The following RAPGEF6 variants were observed in gnomAD, a reference collection of about 807,000 sequenced individuals.
RAPGEF6 encodes the protein Rap guanine nucleotide exchange factor 6.
RAPGEF6 carries 56 observed loss-of-function variants against 171.4 expected under a neutral mutation model. The ratio of observed to expected loss-of-function variants is 0.33; its 90% CI spans 0.26 to 0.41. RAPGEF6 has a LOEUF of 0.41. RAPGEF6 is among the 10% of genes least tolerant of loss of function. The probability of loss-of-function intolerance (pLI) is 1.00; values close to 1 mark genes in which losing one functional copy is unlikely to be tolerated. For missense variants in RAPGEF6, 1,674 were observed against 1,921.4 expected (o/e 0.87, Z 2.41); for synonymous variants, 692 against 650.1 (o/e 1.06, Z -0.98).
chr5:131,528,338 T>C (rs866186534), intron 6 of RAPGEF6, among the ~76,000 whole-genome samples: 626 of 26,294 alleles, frequency 0.024, 29 homozygotes, highest in East Asian at 0.099. Context: ...TATATATATA[T>C]ACACACACAC....
chr5:131,604,306 C>T (rs1158350708), intron 2 of RAPGEF6, among the ~76,000 whole-genome samples: 1 of 152,136 alleles, frequency 6.6e-6, no homozygotes, highest in Non-Finnish European at 1.5e-5. Context: ...CCTTGAAATA[C>T]TTCAACAAAG....
chr5:131,455,547 C>CGG, intron 20 of RAPGEF6, among the ~76,000 whole-genome samples: 1 of 152,150 alleles, frequency 6.6e-6, no homozygotes, highest in Non-Finnish European at 1.5e-5. Flanking sequence ...CGTGAGCCAC[C>CGG]GCGTCCAGCT....
At chr5:131,437,298 A>G (rs1580821592) in intron 24 of RAPGEF6, among the ~76,000 whole-genome samples, 2 of 152,340 alleles carry the variant, frequency 1.3e-5, no homozygotes, top group Admixed American at 6.5e-5. Context: ...ATACTTCTCT[A>G]TTCGAGTGTT....
chr5:131,489,327 G>A (rs951413887), intron 15 of RAPGEF6, among the ~76,000 whole-genome samples: 1 of 152,144 alleles, frequency 6.6e-6, no homozygotes, highest in Non-Finnish European at 1.5e-5. Context: ...GAAGGTAGCT[G>A]TACACCTATT....
intron 4 of RAPGEF6, among the ~76,000 whole-genome samples, chr5:131,588,405 T>C (rs1361856180): frequency 6.6e-6 from 1 of 152,154 alleles, no homozygotes. Context: ...TCTCTTATGC[T>C]CCTGTTAGTA....
intron 15 of RAPGEF6, among the ~76,000 whole-genome samples, chr5:131,487,583 T>C (rs766244626): frequency 6.6e-6 from 1 of 152,334 alleles, no homozygotes; most frequent in Non-Finnish European, 1.5e-5. Context: ...AGAGTGCTGA[T>C]TGGTGCATTT....
At chr5:131,449,201 G>C (rs1014001850) in intron 21 of RAPGEF6, among the ~76,000 whole-genome samples, 3 of 152,144 alleles carry the variant, frequency 2.0e-5, no homozygotes, top group African/African-American at 7.2e-5. Context: ...TGATATATAA[G>C]ATCTTTAACA....
Position 131,561,951 on chromosome 5 carries a change from CA to C in RAPGEF6, c.351+26del, listed in dbSNP as rs777352341. The C allele has an allele frequency of 4.6e-6, 7 of 1,532,222 alleles. No individual in the cohort carries two copies. In the Admixed American group the frequency reaches 7.1e-5, roughly 15 times the overall value. The allele number at this position is 1,532,222 out of a possible 1,614,324, so 94.9% of individuals were successfully genotyped here. On this transcript the variant is annotated intron_variant, in intron 5 of 27. Coordinates refer to ENST00000509018, the MANE Select transcript of RAPGEF6 (RefSeq NM_016340.6). Reference sequence around the variant, plus strand: ...AGTTAAAACTGAAGCATATCAAAAACAATTCAGCATTCTTTAAAGTTCTTAC... The same window carrying C: ...AGTTAAAACTGAAGCATATCAAAAACATTCAGCATTCTTTAAAGTTCTTAC...
Position 131,527,811 on chromosome 5 carries a change from C to T in RAPGEF6, c.496-6290G>A, listed in dbSNP as rs760863000. Among the ~76,000 whole-genome samples the T allele has an allele frequency of 4.6e-5, 7 of 151,676 alleles. No individual in the cohort carries two copies. In the South Asian group the frequency reaches 6.2e-4, roughly 14 times the overall value. ...CGGGCGGATCACAAGGTCAGGAGAT[C>T]GAGACCATCCTGGCTAACACGGTGA... On this transcript the variant is annotated intron_variant, in intron 6 of 27. Coordinates refer to ENST00000509018, the MANE Select transcript of RAPGEF6 (RefSeq NM_016340.6).
At chr5:131,587,114 A>G (rs1021311734) in intron 4 of RAPGEF6, among the ~76,000 whole-genome samples, 9 of 152,120 alleles carry the variant, frequency 5.9e-5, no homozygotes, top group East Asian at 1.9e-4. Context: ...TTTTTGCCCA[A>G]TAGATTCCAT....
At chr5:131,529,434 C>T (rs1759212425) in intron 6 of RAPGEF6, among the ~76,000 whole-genome samples, 1 of 151,334 alleles carries the variant, frequency 6.6e-6, no homozygotes, top group Non-Finnish European at 1.5e-5. Context: ...GGAGATTGCA[C>T]CACTGCACTC....
Position 131,521,526 on chromosome 5 carries a change from A to T in RAPGEF6, c.496-5T>A, listed in dbSNP as rs1758478148. The T allele has an allele frequency of 1.3e-6, 2 of 1,582,472 alleles. No homozygotes were observed. The highest frequency in any genetic ancestry group is 4.5e-5 in the East Asian group (2 of 44,372). The stretch of plus-strand genomic sequence containing the variant: ...CTTGGTAAGATCAGCTGGAAGCTGA[A>T]AAAAAAAATAATTTAAGTTATTCTA... On this transcript the variant is annotated splice_polypyrimidine_tract_variant and splice_region_variant and intron_variant, in intron 6 of 27. Transcript: ENST00000509018.
chr5:131,613,941 G>A (rs1185617577), intron 1 of RAPGEF6, among the ~76,000 whole-genome samples: 1 of 152,018 alleles, frequency 6.6e-6, no homozygotes, highest in Non-Finnish European at 1.5e-5. Context: ...CGCTTGGGCA[G>A]CCAGTGGCTG....
chr5:131,618,225 A>G (rs1467110489), intron 1 of RAPGEF6, among the ~76,000 whole-genome samples: 1 of 152,224 alleles, frequency 6.6e-6, no homozygotes, highest in Non-Finnish European at 1.5e-5. Flanking sequence ...ACAATATTGA[A>G]CACAAAAAAT....
At chr5:131,528,892 T>C (rs535655788) in intron 6 of RAPGEF6, among the ~76,000 whole-genome samples, 7 of 152,020 alleles carry the variant, frequency 4.6e-5, no homozygotes, top group Non-Finnish European at 8.8e-5. Flanking sequence ...GTGCTGCAGA[T>C]AGGTACAGTA....
At chr5:131,556,621 A>AT (rs987230948) in intron 5 of RAPGEF6, among the ~76,000 whole-genome samples, 1 of 152,020 alleles carries the variant, frequency 6.6e-6, no homozygotes, top group Admixed American at 6.6e-5. Flanking sequence ...GGAAGAGTAA[A>AT]TTTTTTCTCC....
At chr5:131,565,229 T>C (rs1761860796) in intron 4 of RAPGEF6, among the ~76,000 whole-genome samples, 1 of 150,116 alleles carries the variant, frequency 6.7e-6, no homozygotes, top group Non-Finnish European at 1.5e-5. Flanking sequence ...AATTGTTTTA[T>C]TGTATATTAG....
chr5:131,487,288 T>C (rs1755968893), intron 15 of RAPGEF6, among the ~76,000 whole-genome samples: 1 of 152,340 alleles, frequency 6.6e-6, no homozygotes, highest in Admixed American at 6.5e-5. Flanking sequence ...AGATTTATTG[T>C]GAAGAATGAA....
chr5:131,606,420 T>C (rs1427212613), intron 1 of RAPGEF6, among the ~76,000 whole-genome samples: 1 of 150,036 alleles, frequency 6.7e-6, no homozygotes, highest in Non-Finnish European at 1.5e-5. Context: ...CAACTGTCAA[T>C]TAACCACAGT....
Sources: allele counts gnomAD v4.1 joint callset (sites outside exome capture counted in the v4.1 genomes callset), GRCh38; gene constraint gnomAD v4.1.1; transcripts MANE v1.5; gene names NCBI Gene and HGNC (gene_info 2026-07-23, HGNC 2026-07-21).